The following AGMO variants were observed in gnomAD, a reference collection of about 807,000 sequenced individuals.
The protein encoded by AGMO is glyceryl-ether monooxygenase.
In AGMO, 75 loss-of-function variants were observed where a neutral mutation model predicts 60.2. That is an observed-to-expected ratio of 1.25 (90% CI 1.03 to 1.51). AGMO has a LOEUF of 1.51. Ranked by LOEUF, AGMO falls within the 40% of genes most tolerant of loss-of-function variation. The pLI is 0.00. For missense variants in AGMO, 763 were observed against 525.5 expected (o/e 1.45, Z -4.42); for synonymous variants, 261 against 177.1 (o/e 1.47, Z -3.76).
intron 12 of AGMO, among the ~76,000 whole-genome samples, chr7:15,276,618 C>T (rs1783797210): frequency 1.3e-5 from 2 of 152,150 alleles, no homozygotes; most frequent in South Asian, 4.1e-4. Flanking sequence ...TCATTATTCA[C>T]TCAAATGTGT....
chr7:15,531,451 T>A (rs867270873), intron 3 of AGMO, among the ~76,000 whole-genome samples: 46 of 30,906 alleles, frequency 1.5e-3, no homozygotes, highest in African/African-American at 3.0e-3. Context: ...CTATATATAT[T>A]CTCTATATAT....
chr7:15,544,229 G>A (rs1401410656), intron 3 of AGMO, among the ~76,000 whole-genome samples: 1 of 151,478 alleles, frequency 6.6e-6, no homozygotes, highest in Non-Finnish European at 1.5e-5. Flanking sequence ...GGAGAGGGTG[G>A]GGGTGGCAAA....
the AGMO span, among the ~76,000 whole-genome samples, chr7:15,136,898 G>A: frequency 2.0e-5 from 3 of 150,774 alleles, no homozygotes; most frequent in Non-Finnish European, 4.4e-5. Flanking sequence ...TTCCACAGAG[G>A]TTTCCCTACA....
At chr7:15,303,235 C>T (rs1424138350) in intron 12 of AGMO, among the ~76,000 whole-genome samples, 1 of 152,008 alleles carries the variant, frequency 6.6e-6, no homozygotes, top group African/African-American at 2.4e-5. Context: ...AAGGAGTTTT[C>T]AGAATGGTAC....
At chr7:15,338,285 GAGA>G (rs889867891) in intron 12 of AGMO, among the ~76,000 whole-genome samples, 1 of 152,062 alleles carries the variant, frequency 6.6e-6, no homozygotes, top group African/African-American at 2.4e-5. Context: ...TCATCACCTG[GAGA>G]AGAAAAGGTG....
At chr7:15,346,032 CAA>C (rs1782020042) in intron 12 of AGMO, among the ~76,000 whole-genome samples, 1 of 151,988 alleles carries the variant, frequency 6.6e-6, no homozygotes, top group African/African-American at 2.4e-5. Flanking sequence ...CCTTTTAAAG[CAA>C]AGAGATAGTC....
At position 15,285,848 on chromosome 7, in the gene AGMO, G is replaced by A. The variant is rs138290046; in HGVS notation, c.1263+79666C>T. 2.6e-3 allele frequency among the ~76,000 whole-genome samples: 394 copies of A among 152,178 alleles called. 1 individual carries two copies. Among genetic ancestry groups the A allele is most frequent in the African/African-American group, 8.2e-3 (341 of 41,546 alleles). Reference sequence around the variant, plus strand: ...CTACAAAGTCATAACTACCAAAACAGCATGACACTGGTATACAAGTAGGTG... The same window carrying A: ...CTACAAAGTCATAACTACCAAAACAACATGACACTGGTATACAAGTAGGTG... On this transcript the variant is annotated intron_variant, in intron 12 of 12. Transcript: ENST00000342526.
intron 12 of AGMO, among the ~76,000 whole-genome samples, chr7:15,325,452 T>C (rs1781308114): frequency 6.6e-6 from 1 of 151,918 alleles, no homozygotes; most frequent in Non-Finnish European, 1.5e-5. Flanking sequence ...AAAGCTTATT[T>C]TTAATTATTT....
intron 3 of AGMO, among the ~76,000 whole-genome samples, chr7:15,506,396 A>G (rs529434231): frequency 1.3e-5 from 2 of 152,188 alleles, no homozygotes; most frequent in African/African-American, 4.8e-5. Flanking sequence ...TGCAGAGGCC[A>G]TGCTCATAAA....
chr7:15,376,408 T>C (rs1183755907), intron 10 of AGMO, among the ~76,000 whole-genome samples: 1 of 152,034 alleles, frequency 6.6e-6, no homozygotes, highest in Non-Finnish European at 1.5e-5. Context: ...GCAGCTTTAT[T>C]AAAAAACGCC....
chr7:15,461,794 A>T (rs4133185), intron 3 of AGMO, among the ~76,000 whole-genome samples: 119,840 of 152,014 alleles, frequency 0.79, 48,248 homozygotes, highest in African/African-American at 0.87. Context: ...ACACATGTAT[A>T]TACTTGAAGA....
At chr7:15,368,280 CAAA>C (rs34220868) in intron 10 of AGMO, among the ~76,000 whole-genome samples, 3 of 123,476 alleles carry the variant, frequency 2.4e-5, no homozygotes, top group Non-Finnish European at 3.6e-5. Context: ...AGAATGAGAC[CAAA>C]AAAAAAAAAA....
chr7:15,315,096 T>A (rs1780877906), intron 12 of AGMO, among the ~76,000 whole-genome samples: 1 of 152,048 alleles, frequency 6.6e-6, no homozygotes, highest in East Asian at 1.9e-4. Context: ...GAGCTTGGAG[T>A]GAACCTTGAT....
At chr7:15,152,685 T>C in the AGMO span, among the ~76,000 whole-genome samples, 1 of 152,190 alleles carries the variant, frequency 6.6e-6, no homozygotes, top group Non-Finnish European at 1.5e-5. Flanking sequence ...CATTCCTACT[T>C]ATGGCTGAGT....
intron 12 of AGMO, among the ~76,000 whole-genome samples, chr7:15,345,007 C>T (rs1781982505): frequency 1.3e-5 from 2 of 152,140 alleles, no homozygotes; most frequent in African/African-American, 4.8e-5. Flanking sequence ...TGACTGTCCT[C>T]GTTCAAGCCA....
chr7:15,219,991 T>C (rs1007329375), intron 12 of AGMO, among the ~76,000 whole-genome samples: 2 of 152,100 alleles, frequency 1.3e-5, no homozygotes, highest in African/African-American at 4.8e-5. Flanking sequence ...CCTCTAATTC[T>C]TTTCTTCAAT....
At chr7:15,187,472 C>T in the AGMO span, among the ~76,000 whole-genome samples, 71 of 152,306 alleles carry the variant, frequency 4.7e-4, no homozygotes, top group African/African-American at 1.6e-3. Context: ...CTGTATTTCA[C>T]ACGTCCTTTC....
At chr7:15,522,029 T>A (rs779671402) in intron 3 of AGMO, among the ~76,000 whole-genome samples, 27 of 151,986 alleles carry the variant, frequency 1.8e-4, no homozygotes, top group Non-Finnish European at 3.7e-4. Context: ...TGTGCAAAAA[T>A]CACAAGCCTC....
the AGMO span, among the ~76,000 whole-genome samples, chr7:15,186,427 C>T: frequency 3.9e-5 from 6 of 152,196 alleles, no homozygotes; most frequent in Admixed American, 1.3e-4. Context: ...GAATCCATCT[C>T]TGTCTTCACT....
Sources: allele counts gnomAD v4.1 joint callset (sites outside exome capture counted in the v4.1 genomes callset), GRCh38; gene constraint gnomAD v4.1.1; transcripts MANE v1.5; gene names NCBI Gene and HGNC (gene_info 2026-07-23, HGNC 2026-07-21).